SMYD3: variants seen among roughly 807,000 people sequenced by gnomAD.
The protein encoded by SMYD3 is SET and MYND domain containing 3.
SMYD3 carries 36 observed loss-of-function variants against 57.7 expected under a neutral mutation model. The ratio of observed to expected loss-of-function variants is 0.62; its 90% confidence interval spans 0.48 to 0.82. The LOEUF is 0.82. SMYD3 is among the 40% of genes least tolerant of loss of function. SMYD3 has a pLI of 0.00. For synonymous variants in SMYD3, 211 were observed against 195.0 expected (o/e 1.08, Z -0.68); for missense variants, 515 against 538.8 (o/e 0.96, Z 0.44).
In SMYD3 at chr1:245,749,529, G is replaced by A; in HGVS notation, c.*34C>T. 2.6e-6 allele frequency: 4 copies of A among 1,535,548 alleles called. No homozygotes were observed. The highest frequency in any genetic ancestry group is 3.6e-6 in the Non-Finnish European group (4 of 1,108,762). On this transcript the variant is annotated 3_prime_UTR_variant, in exon 12 of 12. Transcript: ENST00000490107. ...TGACCTCAATAAGGCATTCAACAAA[G>A]ACACACGCCGTATTTCCCTCTGACT...
At chr1:245,896,738 A>G (rs2053830833) in intron 8 of SMYD3, among the ~76,000 whole-genome samples, 1 of 152,194 alleles carries the variant, frequency 6.6e-6, no homozygotes, top group East Asian at 1.9e-4. Flanking sequence ...TTGTCTAGGT[A>G]CACAGCCATG....
intron 10 of SMYD3, among the ~76,000 whole-genome samples, chr1:245,772,642 G>A (rs1204401657): frequency 1.3e-5 from 2 of 152,084 alleles, no homozygotes; most frequent in African/African-American, 4.8e-5. Context: ...CAGCCTAAGT[G>A]ACAGACAAGA....
intron 5 of SMYD3, among the ~76,000 whole-genome samples, chr1:245,961,211 A>G (rs957127524): frequency 6.6e-6 from 1 of 152,200 alleles, no homozygotes; most frequent in Non-Finnish European, 1.5e-5. Flanking sequence ...AGAGCCGCAC[A>G]TGCTCTCTCT....
intron 10 of SMYD3, among the ~76,000 whole-genome samples, chr1:245,823,883 G>A (rs2049317474): frequency 6.6e-6 from 1 of 152,208 alleles, no homozygotes; most frequent in Admixed American, 6.5e-5. Context: ...GGTGGGCAAA[G>A]TTCCCAGGTT....
chr1:245,987,072 G>C (rs113541674), intron 5 of SMYD3, among the ~76,000 whole-genome samples: 1 of 152,226 alleles, frequency 6.6e-6, no homozygotes, highest in South Asian at 2.1e-4. Context: ...GAGATAAAAC[G>C]GATCACAGCA....
intron 5 of SMYD3, among the ~76,000 whole-genome samples, chr1:246,029,569 G>A (rs1572912835): frequency 1.3e-5 from 2 of 151,518 alleles, no homozygotes; most frequent in Non-Finnish European, 2.9e-5. Flanking sequence ...CTACCCAGGA[G>A]GCTGAAGCAG....
intron 5 of SMYD3, among the ~76,000 whole-genome samples, chr1:246,219,620 C>T (rs1048446183): frequency 2.0e-5 from 3 of 152,148 alleles, no homozygotes; most frequent in Non-Finnish European, 2.9e-5. Flanking sequence ...AGGCAGCTGC[C>T]TCATGCGAAA....
At chr1:246,206,346 G>A (rs376720902) in intron 5 of SMYD3, among the ~76,000 whole-genome samples, 3 of 152,124 alleles carry the variant, frequency 2.0e-5, no homozygotes, top group South Asian at 4.1e-4. Context: ...AAGAATGTAA[G>A]AGGAGTTCTG....
At chr1:245,901,664 A>C (rs188090854) in intron 8 of SMYD3, among the ~76,000 whole-genome samples, 5 of 152,332 alleles carry the variant, frequency 3.3e-5, no homozygotes, top group Admixed American at 3.3e-4. Context: ...AAAGAAGGAA[A>C]ACAGTCAGCA....
intron 5 of SMYD3, among the ~76,000 whole-genome samples, chr1:245,987,064 G>A (rs2058720072): frequency 6.6e-6 from 1 of 152,190 alleles, no homozygotes. Context: ...ATCCATGCGA[G>A]ATAAAACGGA....
At chr1:246,046,442 A>G (rs1237927260) in intron 5 of SMYD3, among the ~76,000 whole-genome samples, 1 of 151,982 alleles carries the variant, frequency 6.6e-6, no homozygotes, top group African/African-American at 2.4e-5. Context: ...ACTTGGACAC[A>G]GGAAGGGGAA....
intron 2 of SMYD3, among the ~76,000 whole-genome samples, chr1:246,348,416 G>A (rs904801942): frequency 1.3e-5 from 2 of 150,822 alleles, no homozygotes; most frequent in African/African-American, 2.4e-5. Context: ...ACTCTGTCTC[G>A]GAAAAAAAAA....
chr1:245,934,390 G>A (rs1268525603), intron 5 of SMYD3, among the ~76,000 whole-genome samples: 1 of 151,212 alleles, frequency 6.6e-6, no homozygotes, highest in South Asian at 2.1e-4. Flanking sequence ...TTTAATCAGG[G>A]TATATTTTTC....
chr1:246,088,568 C>CCT (rs2060766818), intron 5 of SMYD3, among the ~76,000 whole-genome samples: 6 of 137,280 alleles, frequency 4.4e-5, no homozygotes, highest in Admixed American at 3.6e-4. Context: ...CGAGATCATG[C>CCT]CACTGCACTC....
intron 1 of SMYD3, among the ~76,000 whole-genome samples, chr1:246,435,557 T>C (rs1181231040): frequency 6.6e-6 from 1 of 151,864 alleles, no homozygotes; most frequent in African/African-American, 2.4e-5. Context: ...TGAGTAACTG[T>C]AATACTAGAT....
chr1:245,962,720 T>C (rs75431828), intron 5 of SMYD3, among the ~76,000 whole-genome samples: 6,744 of 126,002 alleles, frequency 0.054, 580 homozygotes, highest in African/African-American at 0.16. Context: ...AACCAATCAT[T>C]GCTGTGTTGT....
At chr1:245,840,577 TTAC>T (rs1330651021) in intron 10 of SMYD3, among the ~76,000 whole-genome samples, 1 of 152,090 alleles carries the variant, frequency 6.6e-6, no homozygotes, top group African/African-American at 2.4e-5. Context: ...TAAAGTACTA[TTAC>T]CTTCATGGAA....
At chr1:246,417,872 T>C (rs1379963939) in intron 1 of SMYD3, among the ~76,000 whole-genome samples, 1 of 152,230 alleles carries the variant, frequency 6.6e-6, no homozygotes, top group Non-Finnish European at 1.5e-5. Context: ...AAGGGACTAT[T>C]ATCATCCTTG....
intron 8 of SMYD3, among the ~76,000 whole-genome samples, chr1:245,864,698 C>T (rs75776117): frequency 0.02 from 2,998 of 149,540 alleles, 99 homozygotes; most frequent in African/African-American, 0.069. Flanking sequence ...ATGCTAGTTG[C>T]ACAACTCTGT....
Sources: gnomAD v4.1 joint callset for allele counts (sites outside exome capture counted in the v4.1 genomes callset) on GRCh38, gnomAD v4.1.1 for gene constraint, MANE v1.5 for transcripts, NCBI Gene and HGNC (gene_info 2026-07-23, HGNC 2026-07-21) for gene names.